The following SULT2B1 variants were observed in gnomAD, a reference collection of about 807,000 sequenced individuals.
SULT2B1 encodes the protein sulfotransferase 2B1.
Under a neutral mutation model 33.2 loss-of-function variants are expected in SULT2B1, and 16 were observed. The ratio of observed to expected loss-of-function variants is 0.48; its 90% CI spans 0.33 to 0.73. The LOEUF (loss-of-function observed/expected upper bound fraction) is 0.73. SULT2B1 is among the 30% of genes least tolerant of loss of function. The pLI is 0.02. For missense variants in SULT2B1, 500 were observed against 506.0 expected, an observed-to-expected ratio of 0.99 and a Z score of 0.11; for synonymous variants, 186 against 200.5, an observed-to-expected ratio of 0.93 and a Z score of 0.61.
chr19:48,592,876 A>T (rs1459274226), intron 5 of SULT2B1, 60 bp downstream of exon 5: 2 of 1,414,568 alleles, frequency 1.4e-6, no homozygotes, highest in Non-Finnish European at 1.9e-6. Context: ...CACACCCCAC[A>T]CTCTCCCCTT....
At chr19:48,583,122 G>A (rs1206373544) in intron 2 of SULT2B1, among the ~76,000 whole-genome samples, 1 of 149,948 alleles carries the variant, frequency 6.7e-6, no homozygotes, top group African/African-American at 2.5e-5. Context: ...TTGCACTCCA[G>A]CCTAGGCAAC....
In SULT2B1 at chr19:48,587,361, A is replaced by G; in HGVS notation, c.347A>G (p.Gln116Arg). 1 of 1,614,038 alleles carries G rather than the reference A, an allele frequency of 6.2e-7. No homozygotes were observed. Among genetic ancestry groups the G allele is most frequent in the Non-Finnish European group, 8.5e-7 (1 of 1,179,992 alleles). The part of the protein sequence containing the change: ...TIVGAFSLPD[Q>R]YSPRLMSSHL... Reference sequence around the variant, plus strand: ...GTGGGTGCCTTCAGCCTCCCGGACCAGTACAGCCCCCGCCTCATGAGCTCC... The same window carrying G: ...GTGGGTGCCTTCAGCCTCCCGGACCGGTACAGCCCCCGCCTCATGAGCTCC... The change falls in exon 3 of 7, where the codon CAG becomes CGG. Residue 116 changes from glutamine to arginine, a missense_variant. By Grantham distance (43) the Gln-to-Arg change is conservative (BLOSUM62 1). Transcript: ENST00000201586.
At chr19:48,579,090 T>C (rs2147614578) in intron 2 of SULT2B1, among the ~76,000 whole-genome samples, 1 of 152,212 alleles carries the variant, frequency 6.6e-6, no homozygotes, top group South Asian at 2.1e-4. Context: ...TCTGGTTTCT[T>C]CCTGAGCATC....
intron 1 of SULT2B1, among the ~76,000 whole-genome samples, chr19:48,569,789 C>T (rs1490827072): frequency 6.6e-6 from 1 of 151,896 alleles, no homozygotes; most frequent in Non-Finnish European, 1.5e-5. Flanking sequence ...GCCTCAGGCT[C>T]CTGAGTAGCT....
chr19:48,554,082 G>C (rs555293581), intron 1 of SULT2B1, among the ~76,000 whole-genome samples: 1 of 151,980 alleles, frequency 6.6e-6, no homozygotes, highest in Non-Finnish European at 1.5e-5. Context: ...GCTCGGTTTC[G>C]TCATCGTGGG....
intron 2 of SULT2B1, among the ~76,000 whole-genome samples, chr19:48,579,605 C>CTTTCTTTTTTTTT (rs71179013): frequency 6.3e-5 from 5 of 79,760 alleles, no homozygotes; most frequent in East Asian, 4.2e-4. Flanking sequence ...TTCTTTCTTT[C>CTTTCTTTTTTTTT]TTTTTTTTTT....
chr19:48,566,898 GA>G (rs1485224493), intron 1 of SULT2B1, among the ~76,000 whole-genome samples: 1 of 152,030 alleles, frequency 6.6e-6, no homozygotes, highest in African/African-American at 2.4e-5. Context: ...AGCTTCTTGG[GA>G]AGTTGAGACA....
At chr19:48,587,487 G>A in intron 3 of SULT2B1, 50 bp downstream of exon 3, 1 of 1,584,580 alleles carries the variant, frequency 6.3e-7, no homozygotes, top group Non-Finnish European at 8.7e-7. Context: ...TGGGTGTATG[G>A]GGTAATGGGG....
At position 48,596,845 on chromosome 19, in the gene SULT2B1, C is replaced by T. The variant is rs764247607; in HGVS notation, c.752C>T (p.Ala251Val). 5 of 1,609,690 alleles carry T rather than the reference C, an allele frequency of 3.1e-6. No homozygotes were observed. The South Asian group carries it at 4.4e-5, about 14-fold the overall frequency. The change falls in exon 6 of 7, where the codon GCC (alanine) becomes GTC (valine). Residue 251 changes from alanine to valine, a missense_variant. Transcript: ENST00000201586. ...VAHSTFSAMKANTMSNYTLLP... is the reference protein window; with the variant it reads ...VAHSTFSAMKVNTMSNYTLLP... ...CACTCAACCTTCAGCGCCATGAAGG[C>T]CAACACCATGTCCAACTACACGCTG...
At chr19:48,590,620 C>CA (rs903018265) in intron 3 of SULT2B1, among the ~76,000 whole-genome samples, 12 of 151,916 alleles carry the variant, frequency 7.9e-5, no homozygotes, top group African/African-American at 2.2e-4. Context: ...CAAAACAAAA[C>CA]AAAAAAATCC....
At chr19:48,560,931 C>T (rs1170044662) in intron 1 of SULT2B1, among the ~76,000 whole-genome samples, 1 of 151,864 alleles carries the variant, frequency 6.6e-6, no homozygotes, top group Admixed American at 6.6e-5. Flanking sequence ...CATTGCACTC[C>T]AGCCTGGGCA....
At chr19:48,596,306 G>A in intron 5 of SULT2B1, 1 of 166,726 alleles carries the variant, frequency 6.0e-6, no homozygotes, top group South Asian at 1.4e-4. Context: ...GGGCCATCCT[G>A]CAATGGGGGC....
chr19:48,587,219 C>T lies in SULT2B1; in HGVS notation c.215-10C>T. On this transcript the variant is annotated splice_polypyrimidine_tract_variant and intron_variant, in intron 2 of 6. Transcript: ENST00000201586. ...CACACCCAATTAATCTGCTCGATTT[C>T]TCCCAACAGGCACGACCTGGATGAT... The T allele has an allele frequency of 6.3e-7, 1 of 1,599,704 alleles. No individual in the cohort carries two copies. Among genetic ancestry groups the T allele is most frequent in the Non-Finnish European group, 8.5e-7 (1 of 1,171,308 alleles).
chr19:48,555,150 G>A (rs1255696111), intron 1 of SULT2B1, among the ~76,000 whole-genome samples: 1 of 152,148 alleles, frequency 6.6e-6, no homozygotes, highest in East Asian at 1.9e-4. Flanking sequence ...GGAGTGCAGT[G>A]GCACGATCTC....
intron 3 of SULT2B1, among the ~76,000 whole-genome samples, chr19:48,589,321 A>AGGGGAGCAGGCG (rs1973612651): frequency 9.4e-6 from 1 of 106,480 alleles, no homozygotes; most frequent in Non-Finnish European, 2.0e-5. Context: ...GGGAGGAGGG[A>AGGGGAGCAGGCG]GGGGAGCAGG....
chr19:48,569,337 G>A (rs1344630086), intron 1 of SULT2B1, among the ~76,000 whole-genome samples: 7 of 114,136 alleles, frequency 6.1e-5, no homozygotes, highest in Non-Finnish European at 1.2e-4. Flanking sequence ...GAGAGACTCC[G>A]TCTCAAAAAA....
In SULT2B1 at chr19:48,552,525, TG is replaced by T. The variant is rs1973043073; in HGVS notation, c.71+203del. On this transcript the variant is annotated intron_variant, in intron 1 of 6. Coordinates refer to ENST00000201586, the MANE Select transcript of SULT2B1 (RefSeq NM_177973.2). This position sits in a 1 kb window ranked among gnomAD's most constrained non-coding sequence, Gnocchi z 4.8. ...TGAGAAGGGAGTGAGGACCCGACCG[TG>T]TTGAGTCACCAGTGGGGATGCCTGG... Among the ~76,000 whole-genome samples, 1 of 152,062 alleles carries T rather than the reference TG, an allele frequency of 6.6e-6. No individual in the cohort carries two copies. The highest frequency in any genetic ancestry group is 1.5e-5 in the Non-Finnish European group (1 of 68,004).
At chr19:48,567,457 G>A (rs1477638583) in intron 1 of SULT2B1, among the ~76,000 whole-genome samples, 1 of 152,084 alleles carries the variant, frequency 6.6e-6, no homozygotes, top group Non-Finnish European at 1.5e-5. Context: ...AGCTACTCAG[G>A]AGTCTGAGGC....
chr19:48,565,685 TTTTG>T lies in SULT2B1; in HGVS notation c.72-10240_72-10237del, dbSNP rs575306168. Among the ~76,000 whole-genome samples the T allele has an allele frequency of 7.7e-4, 117 of 151,862 alleles. 1 individual carries two copies. The highest frequency in any genetic ancestry group is 1.8e-3 in the African/African-American group (74 of 41,424). On this transcript the variant is annotated intron_variant, in intron 1 of 6. Coordinates refer to ENST00000201586, the MANE Select transcript of SULT2B1 (RefSeq NM_177973.2). ...GTGAGCCACTGCACCTAGCTAGTGG[TTTTG>T]TTTGTTTGTTTGTTTTAATAGAAGT...
Sources: gnomAD v4.1 joint callset for allele counts (sites outside exome capture counted in the v4.1 genomes callset) on GRCh38, gnomAD v4.1.1 for gene constraint, Gnocchi (gnomAD v3.1) non-coding constraint, MANE v1.5 for transcripts, NCBI Gene and HGNC (gene_info 2026-07-23, HGNC 2026-07-21) for gene names.